The following PLOD3 variants were observed in gnomAD, a reference collection of about 807,000 sequenced individuals.
The protein encoded by PLOD3 is multifunctional procollagen lysine hydroxylase and glycosyltransferase LH3.
PLOD3 carries 73 observed loss-of-function variants against 96.9 expected under a neutral mutation model. The observed-to-expected ratio is 0.75, with a 90% confidence interval of 0.62 to 0.92. PLOD3 has a LOEUF of 0.92. Among genes scored for constraint, PLOD3 ranks in the 40% least tolerant of loss-of-function variants. The pLI is 0.00. For missense variants in PLOD3, 1,004 were observed against 1,004.3 expected (o/e 1.00, Z 0.00); for synonymous variants, 454 against 413.7 (o/e 1.10, Z -1.18).
Position 101,215,922 on chromosome 7 carries a change from C to T in PLOD3, c.601G>A (p.Asp201Asn), listed in dbSNP as rs1045047857. The change falls in exon 5 of 19, where the codon GAC (aspartate) becomes AAC (asparagine). Residue 201 changes from aspartate (D) to asparagine (N), a missense_variant. Physicochemically the swap from Asp to Asn is conservative, Grantham distance 23 (BLOSUM62 1). Transcript: ENST00000223127. ...GCCTTCCCTACCCTCAGTCCTGGGT[C>T]CAGGTAGAGCCGTGTGTAGAACAGC... is the stretch of plus-strand genomic sequence containing the variant. ...DQLFYTRLYL[D>N]PGLREKLSLN... 6.2e-7 allele frequency: 1 copy of T among 1,611,518 alleles called. No homozygotes were observed. Among genetic ancestry groups the T allele is most frequent in the Admixed American group, 1.7e-5 (1 of 60,010 alleles).
At chr7:101,215,228 C>T in intron 5 of PLOD3, 76 bp from the exon 6 acceptor site, 1 of 1,110,160 alleles carries the variant, frequency 9.0e-7, no homozygotes, top group Non-Finnish European at 1.4e-6. Context: ...TTTTCTCTCT[C>T]TTTTTTTCTT....
chr7:101,209,033 G>C, intron 15 of PLOD3, 76 bp from the exon 16 acceptor site: 6 of 1,052,332 alleles, frequency 5.7e-6, no homozygotes, highest in Non-Finnish European at 8.9e-6. Flanking sequence ...AGGCAGAATG[G>C]GAAGGGGCAG....
chr7:101,212,116 G>T, intron 10 of PLOD3, 137 bp downstream of exon 10: 1 of 1,216,492 alleles, frequency 8.2e-7, no homozygotes, highest in Non-Finnish European at 1.2e-6. Flanking sequence ...ACAGCATGGG[G>T]GCTGCAAGGA....
At chr7:101,213,233 C>G (rs747517541) in intron 6 of PLOD3, 29 bp from the exon 7 acceptor site, 2 of 1,441,952 alleles carry the variant, frequency 1.4e-6, no homozygotes, top group Admixed American at 1.7e-5. Context: ...AGGCTTCAGA[C>G]CCCCTTTCTC....
Position 101,217,262 on chromosome 7 carries a change from C to T in PLOD3, c.13G>A (p.Gly5Arg), listed in dbSNP as rs760800644. 5.8e-5 allele frequency: 86 copies of T among 1,486,694 alleles called. No individual in the cohort carries two copies. In the South Asian group the frequency reaches 1.1e-3, roughly 19 times the overall value. The allele number at this position is 1,486,694 out of a possible 1,614,324, so 92.1% of individuals were successfully genotyped here. Residue 5 changes from glycine to arginine, a missense_variant, in exon 1 of 19, where the codon GGG (glycine) becomes AGG (arginine). Gly to Arg is a moderately radical substitution (Grantham distance 125). This residue lies in a region of PLOD3 where 690 missense variants were observed against 650.2 expected (regional missense o/e 1.06). Transcript: ENST00000223127. Reference protein sequence around the residue: MTSSGPGPRFLLLLP... With the variant: MTSSRPGPRFLLLLP... ...AGCAGCAGGAACCGGGGTCCAGGCC[C>T]CGAGGAGGTCATGGTGGGGAGCGGG... is the stretch of plus-strand genomic sequence containing the variant.
chr7:101,209,926 T>G, intron 15 of PLOD3, 167 bp downstream of exon 15: 1 of 592,818 alleles, frequency 1.7e-6, no homozygotes, highest in Non-Finnish European at 3.0e-6. Context: ...AATGCTGGCT[T>G]TGGGGGCAAG....
Position 101,211,643 on chromosome 7 carries a change from C to T in PLOD3, c.1306G>A (p.Glu436Lys), listed in dbSNP as rs1798182705. 2 of 1,606,872 alleles carry T rather than the reference C, an allele frequency of 1.2e-6. No homozygotes were observed. Among genetic ancestry groups the T allele is most frequent in the Non-Finnish European group, 8.5e-7 (1 of 1,177,450 alleles). Residue 436 changes from glutamate to lysine, a missense_variant, in exon 12 of 19, where the codon GAG becomes AAG. Glu to Lys is a moderately conservative substitution (Grantham distance 56, BLOSUM62 1). Coordinates refer to ENST00000223127, the MANE Select transcript of PLOD3 (RefSeq NM_001084.5). ...SNFWGALSPD[E>K]YYARSEDYVE... Reference sequence around the variant, plus strand: ...TAGTCCTCGGAGCGGGCGTAGTACTCATCGGGGCTCAGGGCGCCCCAGAAG... The same window carrying T: ...TAGTCCTCGGAGCGGGCGTAGTACTTATCGGGGCTCAGGGCGCCCCAGAAG...
In PLOD3 at chr7:101,216,240, C is replaced by G; in HGVS notation, c.425G>C (p.Ser142Thr). The change falls in exon 4 of 19, where the codon AGC (serine) becomes ACC (threonine). Residue 142 changes from serine to threonine, a missense_variant. Physicochemically the swap from Ser to Thr is moderately conservative, Grantham distance 58. Coordinates refer to ENST00000223127, the MANE Select transcript of PLOD3 (RefSeq NM_001084.5). ...SGSRLLFSAE[S>T]FCWPEWGLAE... ...CAGCCCCCACTCGGGCCAGCAGAAGCTCTCTGCAGAGAAGAGCAGGCGGCT... is the reference window on the plus strand; with the variant it reads ...CAGCCCCCACTCGGGCCAGCAGAAGGTCTCTGCAGAGAAGAGCAGGCGGCT... 6.2e-7 allele frequency: 1 copy of G among 1,613,812 alleles called. No individual in the cohort carries two copies. Among genetic ancestry groups the G allele is most frequent in the Non-Finnish European group, 8.5e-7 (1 of 1,180,016 alleles).
At position 101,210,361 on chromosome 7, in the gene PLOD3, G is replaced by A. The variant is rs760079238; in HGVS notation, c.1584C>T (p.Pro528=). The change falls in exon 14 of 19, where the codon CCC becomes CCT. Residue 528 remains proline (P), a synonymous_variant. Transcript: ENST00000223127. ...GGTTGTCGAAGATCTGCCAGAGGTC[G>A]GGGTGCAGGTGCTCCGTGTCGTATC... is the stretch of plus-strand genomic sequence containing the variant. ...TSRYDTEHLH[P]DLWQIFDNPV... is the part of the protein sequence containing the mutation. 15 of 1,613,972 alleles carry A rather than the reference G, an allele frequency of 9.3e-6. No homozygotes were observed. The highest frequency in any genetic ancestry group is 3.3e-5 in the Admixed American group (2 of 59,986).
intron 6 of PLOD3, 29 bp from the exon 7 acceptor site, chr7:101,213,233 C>T: frequency 6.9e-7 from 1 of 1,442,070 alleles, no homozygotes; most frequent in Non-Finnish European, 9.8e-7. Flanking sequence ...AGGCTTCAGA[C>T]CCCCTTTCTC....
Position 101,206,441 on chromosome 7 carries a change from A to G in PLOD3, c.2062-5T>C, listed in dbSNP as rs2116792342. 2 of 1,593,730 alleles carry G rather than the reference A, an allele frequency of 1.3e-6. No homozygotes were observed. The highest frequency in any genetic ancestry group is 1.7e-6 in the Non-Finnish European group (2 of 1,170,744). On this transcript the variant is annotated splice_region_variant and splice_polypyrimidine_tract_variant and intron_variant, in intron 18 of 18. Transcript: ENST00000223127. ...CAGGAAGCGGCAGCCACCTCCCTGG[A>G]AAGAGAAGGGAAAGGAAACATGGAG...
In PLOD3 at chr7:101,207,031, C is replaced by T. The variant is rs1798097981; in HGVS notation, c.1936-127G>A. ...TCAGGCTGGAGTGCAGTGGTGCGAT[C>T]TTGGCTCGATCTTGGCTCACTGCAA... On this transcript the variant is annotated intron_variant, in intron 17 of 18. Coordinates refer to ENST00000223127, the MANE Select transcript of PLOD3 (RefSeq NM_001084.5). The T allele has an allele frequency of 3.7e-5, 43 of 1,163,566 alleles. 1 individual carries two copies. In the South Asian group the frequency reaches 6.6e-4, roughly 18 times the overall value. 72.1% of individuals were successfully genotyped at this position (1,163,566 alleles called of 1,614,324 possible).
intron 15 of PLOD3, chr7:101,209,888 A>T: frequency 1.7e-6 from 1 of 571,428 alleles, no homozygotes; most frequent in Non-Finnish European, 3.1e-6. Context: ...CAGTATACCC[A>T]ATATACAGGA....
rs370032502 is a variant in PLOD3 at position 101,213,180 on chromosome 7, C to T, written c.704G>A (p.Arg235Gln). The T allele has an allele frequency of 1.7e-5, 28 of 1,613,312 alleles. No individual in the cohort carries two copies. Among genetic ancestry groups the T allele is most frequent in the South Asian group, 3.3e-5 (3 of 91,066 alleles). Reference sequence around the variant, plus strand: ...CACGTTCCGGATACGCACACGGTTCCGATCAAACTTTAAAACCACTTCATC... The same window carrying T: ...CACGTTCCGGATACGCACACGGTTCTGATCAAACTTTAAAACCACTTCATC... ...ALDEVVLKFD[R>Q]NRVRIRNVAY... Residue 235 changes from arginine (R) to glutamine (Q), a missense_variant, in exon 7 of 19, where the codon CGG (arginine) becomes CAG (glutamine). Physicochemically the swap from Arg to Gln is conservative, Grantham distance 43. Around this residue, in one of 5 missense-constraint regions of PLOD3, gnomAD observed 690 missense variants for 650.2 expected, o/e 1.06. Coordinates refer to ENST00000223127, the MANE Select transcript of PLOD3 (RefSeq NM_001084.5).
At position 101,211,614 on chromosome 7, in the gene PLOD3, C is replaced by T; in HGVS notation, c.1335G>A (p.Val445=). ...ACACTCGCTTCCGCTGCACCAGCTC[C>T]ACGTAGTCCTCGGAGCGGGCGTAGT... ...DEYYARSEDY[V]ELVQRKRVGV... Residue 445 remains valine, a synonymous_variant, in exon 12 of 19, where the codon GTG becomes GTA. Coordinates refer to ENST00000223127, the MANE Select transcript of PLOD3 (RefSeq NM_001084.5). The T allele has an allele frequency of 6.2e-7, 1 of 1,605,056 alleles. No homozygotes were observed. The highest frequency in any genetic ancestry group is 8.5e-7 in the Non-Finnish European group (1 of 1,176,686).
chr7:101,217,421 G>C lies in PLOD3; in HGVS notation c.-147C>G. The C allele has an allele frequency of 1.4e-6, 1 of 719,618 alleles. No individual in the cohort carries two copies. The highest frequency in any genetic ancestry group is 2.0e-6 in the Non-Finnish European group (1 of 495,006). The allele number at this position is 719,618 out of a possible 1,614,324, so 44.6% of individuals were successfully genotyped here. ...AGCAGCTTGGCTGGGGCTACGCCCT[G>C]AAAAAAAGGCGTATCCGGAGGCTAC... On this transcript the variant is annotated 5_prime_UTR_variant, in exon 1 of 19. Transcript: ENST00000223127.
At position 101,206,456 on chromosome 7, in the gene PLOD3, G is replaced by A. The variant is rs766041315; in HGVS notation, c.2062-20C>T. On this transcript the variant is annotated intron_variant, in intron 18 of 18. Transcript: ENST00000223127. ...ACCTCCCTGGAAAGAGAAGGGAAAG[G>A]AAACATGGAGTGAGCAGACGTGGGG... 2.5e-6 allele frequency: 4 copies of A among 1,578,050 alleles called. No homozygotes were observed. Among genetic ancestry groups the A allele is most frequent in the South Asian group, 1.1e-5 (1 of 87,884 alleles).
At chr7:101,212,439 G>C in intron 9 of PLOD3, 65 bp from the exon 10 acceptor site, 2 of 1,582,630 alleles carry the variant, frequency 1.3e-6, no homozygotes, top group Non-Finnish European at 8.7e-7. Flanking sequence ...AGGGATGGGG[G>C]TGCAGGAAGG....
chr7:101,212,865 G>A lies in PLOD3; in HGVS notation c.856C>T (p.Arg286Trp), dbSNP rs1134907. The A allele has an allele frequency of 5.6e-6, 9 of 1,612,866 alleles. No homozygotes were observed. Among genetic ancestry groups the A allele is most frequent in the African/African-American group, 4.0e-5 (3 of 74,860 alleles). ...EGGCGFCNQDRRTLPGGQPPP... is the reference protein window; with the variant it reads ...EGGCGFCNQDWRTLPGGQPPP... ...ACCTGCCCCCCCGGGAGTGTCCTCC[G>A]GTCCTGGTTGCAGAAGCCACAGCCT... Residue 286 changes from arginine (R) to tryptophan (W), a missense_variant, in exon 8 of 19, where the codon CGG (arginine) becomes TGG (tryptophan). Transcript: ENST00000223127.
Sources: allele counts gnomAD v4.1 joint callset, GRCh38; gene constraint gnomAD v4.1.1; regional missense constraint gnomAD v4.1.1; transcripts MANE v1.5; gene names NCBI Gene and HGNC (gene_info 2026-07-23, HGNC 2026-07-21).